Variants in RYK observed in about 807,000 individuals in gnomAD.
The protein encoded by RYK is inactive tyrosine-protein kinase RYK.
Under a neutral mutation model 70.2 loss-of-function variants are expected in RYK, and 21 were observed. That is an observed-to-expected ratio of 0.30 (90% CI 0.21 to 0.43). The LOEUF is 0.43. Ranked by LOEUF, RYK falls within the 20% of genes least tolerant of loss-of-function variation. The probability of loss-of-function intolerance (pLI) is 1.00; values close to 1 mark genes in which losing one functional copy is unlikely to be tolerated. For missense variants in RYK, 604 were observed against 753.3 expected, an observed-to-expected ratio of 0.80 and a Z score of 2.32; for synonymous variants, 267 against 278.0, an observed-to-expected ratio of 0.96 and a Z score of 0.39.
intron 2 of RYK, among the ~76,000 whole-genome samples, chr3:134,214,473 C>T (rs1434219445): frequency 1.3e-5 from 2 of 152,142 alleles, no homozygotes; most frequent in African/African-American, 2.4e-5. Flanking sequence ...GTTTCATGTT[C>T]TCCACAGCCC....
At chr3:134,182,149 T>C (rs1359584779) in intron 10 of RYK, among the ~76,000 whole-genome samples, 2 of 147,638 alleles carry the variant, frequency 1.4e-5, no homozygotes, top group East Asian at 4.3e-4. Flanking sequence ...AGCGAGACTC[T>C]GTCTCCAAAA....
At chr3:134,190,262 C>T (rs2013605006) in intron 8 of RYK, among the ~76,000 whole-genome samples, 1 of 152,200 alleles carries the variant, frequency 6.6e-6, no homozygotes, top group Admixed American at 6.5e-5. Flanking sequence ...CTCTCTCCAG[C>T]CAAGTTCACC....
chr3:134,204,433 A>G (rs929762887), intron 5 of RYK, among the ~76,000 whole-genome samples: 2 of 152,116 alleles, frequency 1.3e-5, no homozygotes, highest in Admixed American at 1.3e-4. Flanking sequence ...CGGGAGGCAG[A>G]GGTTGCAGTG....
At chr3:134,202,698 A>T (rs1444901095) in intron 6 of RYK, 32 bp downstream of exon 6, 1 of 1,599,644 alleles carries the variant, frequency 6.3e-7, no homozygotes, top group African/African-American at 1.3e-5. Context: ...AACTGCTTTC[A>T]TTTTTTTTCT....
intron 1 of RYK, among the ~76,000 whole-genome samples, chr3:134,242,844 T>C (rs912718318): frequency 6.6e-6 from 1 of 152,182 alleles, no homozygotes; most frequent in African/African-American, 2.4e-5. Flanking sequence ...TTCTCTCACA[T>C]GTGTAGCATG....
rs559553289 is a variant in RYK at position 134,160,326 on chromosome 3, TAA to T, written c.1576-955_1576-954del. On this transcript the variant is annotated intron_variant, in intron 13 of 14. Coordinates refer to ENST00000623711, the MANE Select transcript of RYK (RefSeq NM_002958.4). The stretch of plus-strand genomic sequence containing the variant: ...GCCCCAAAATACATATTTTAATGAG[TAA>T]AAGAGAAAAAAGTGAAAAAAAGAAA... Among the ~76,000 whole-genome samples the T allele has an allele frequency of 6.9e-3, 1,043 of 150,394 alleles. 8 individuals carry two copies. Among genetic ancestry groups the T allele is most frequent in the African/African-American group, 0.022 (899 of 40,830 alleles).
intron 13 of RYK, among the ~76,000 whole-genome samples, chr3:134,166,305 C>A (rs1325161082): frequency 6.6e-6 from 1 of 152,082 alleles, no homozygotes. Flanking sequence ...TATTTATGAA[C>A]CAGGAAAGGG....
At chr3:134,203,170 A>G (rs1256277369) in intron 5 of RYK, among the ~76,000 whole-genome samples, 2 of 152,182 alleles carry the variant, frequency 1.3e-5, no homozygotes, top group Non-Finnish European at 2.9e-5. Flanking sequence ...CAATATGGTG[A>G]AACCCCGCCT....
At chr3:134,204,591 C>CCACAGCCACACACACACACACACA (rs58130864) in intron 5 of RYK, among the ~76,000 whole-genome samples, 4 of 140,692 alleles carry the variant, frequency 2.8e-5, no homozygotes, top group African/African-American at 1.1e-4. Flanking sequence ...ACAGCCACAG[C>CCACAGCCACACACACACACACACA]CACACACACA....
intron 13 of RYK, among the ~76,000 whole-genome samples, chr3:134,175,340 T>A (rs1377409456): frequency 2.9e-5 from 4 of 139,786 alleles, no homozygotes; most frequent in Non-Finnish European, 6.0e-5. Context: ...TGGAACTCTG[T>A]CTTAAAAAAA....
intron 2 of RYK, among the ~76,000 whole-genome samples, chr3:134,214,158 A>T (rs1414445448): frequency 2.1e-4 from 32 of 152,102 alleles, no homozygotes; most frequent in Non-Finnish European, 2.9e-5. Context: ...ATCAACACCA[A>T]TAAGCCACAC....
At chr3:134,200,489 C>T (rs922603791) in intron 6 of RYK, among the ~76,000 whole-genome samples, 3 of 152,186 alleles carry the variant, frequency 2.0e-5, no homozygotes, top group African/African-American at 7.2e-5. Context: ...ACACTCACCG[C>T]GAGAGTCCGC....
chr3:134,188,168 T>TA (rs1553770174), intron 9 of RYK, among the ~76,000 whole-genome samples: 32,609 of 75,738 alleles, frequency 0.43, 4,067 homozygotes, highest in Non-Finnish European at 0.52. Flanking sequence ...TATATATATA[T>TA]TTTTTTTTTT....
At chr3:134,225,259 C>G (rs947426710) in intron 1 of RYK, among the ~76,000 whole-genome samples, 1 of 152,080 alleles carries the variant, frequency 6.6e-6, no homozygotes, top group Non-Finnish European at 1.5e-5. Context: ...GGGTCTTAGT[C>G]TAGTCTAGAT....
intron 1 of RYK, among the ~76,000 whole-genome samples, chr3:134,249,521 T>C (rs1241200031): frequency 1.3e-5 from 2 of 152,192 alleles, no homozygotes; most frequent in Non-Finnish European, 2.9e-5. Flanking sequence ...GACTTCCTTT[T>C]TGGGGGGTCG....
At chr3:134,174,678 T>G (rs918753631) in intron 13 of RYK, among the ~76,000 whole-genome samples, 3 of 152,166 alleles carry the variant, frequency 2.0e-5, no homozygotes, top group African/African-American at 7.2e-5. Flanking sequence ...TAAATTACAC[T>G]TAGTCTTCCA....
At chr3:134,224,589 T>G (rs1258410939) in intron 1 of RYK, among the ~76,000 whole-genome samples, 2 of 152,162 alleles carry the variant, frequency 1.3e-5, no homozygotes, top group Non-Finnish European at 2.9e-5. Flanking sequence ...CAGAGTCTTC[T>G]CTAACTCCCC....
intron 10 of RYK, chr3:134,178,718 A>G (rs2013194331): frequency 6.6e-6 from 1 of 152,232 alleles, no homozygotes; most frequent in African/African-American, 2.4e-5. Context: ...AAAACCAAGC[A>G]TGTAGTGGAC....
chr3:134,166,128 C>T (rs963191655), intron 13 of RYK, among the ~76,000 whole-genome samples: 10 of 152,190 alleles, frequency 6.6e-5, no homozygotes, highest in African/African-American at 2.4e-4. Context: ...CATTTATATG[C>T]TGAAACCTTA....
Sources: gnomAD v4.1 joint callset for allele counts (sites outside exome capture counted in the v4.1 genomes callset) on GRCh38, gnomAD v4.1.1 for gene constraint, MANE v1.5 for transcripts, NCBI Gene and HGNC (gene_info 2026-07-23, HGNC 2026-07-21) for gene names.